The following CEACAM18 variants were observed in gnomAD, a reference collection of about 807,000 sequenced individuals.
CEACAM18 encodes cell adhesion molecule CEACAM18.
In CEACAM18, 33 loss-of-function variants were observed where a neutral mutation model predicts 34.3. The ratio of observed to expected loss-of-function variants is 0.96; its 90% CI spans 0.73 to 1.29. CEACAM18 has a LOEUF of 1.29. Ranked by LOEUF, CEACAM18 falls within the 50% of genes most tolerant of loss-of-function variation. CEACAM18 has a pLI of 0.00. For synonymous variants in CEACAM18, 169 were observed against 180.9 expected (o/e 0.93, Z 0.53); for missense variants, 474 against 485.0 (o/e 0.98, Z 0.21).
At chr19:51,484,055 G>C (rs141566245) in intron 4 of CEACAM18, among the ~76,000 whole-genome samples, 1 of 152,136 alleles carries the variant, frequency 6.6e-6, no homozygotes, top group Admixed American at 6.5e-5. Context: ...CAGCTCCATC[G>C]TTCCGAGACT....
chr19:51,483,088 T>C, exon 4 of CEACAM18: 1 of 1,613,962 alleles, frequency 6.2e-7, no homozygotes, highest in Non-Finnish European at 8.5e-7. Context: ...TGAGATCGGC[T>C]CCCAAGTGGA....
At chr19:51,481,323 C>G (rs1181962949) in intron 2 of CEACAM18, 70 bp from the exon 3 acceptor site, 8 of 1,499,438 alleles carry the variant, frequency 5.3e-6, no homozygotes, top group Non-Finnish European at 7.3e-6. Flanking sequence ...CCAGAAGTCC[C>G]CTGGAGAGGA....
At chr19:51,479,747 A>C (rs1202748558) in intron 1 of CEACAM18, among the ~76,000 whole-genome samples, 1 of 152,184 alleles carries the variant, frequency 6.6e-6, no homozygotes, top group Non-Finnish European at 1.5e-5. Context: ...GGAATGGGGA[A>C]CAGCGTGTGC....
chr19:51,482,909 T>C (rs973437260), intron 3 of CEACAM18, 108 bp from the exon 4 acceptor site: 1 of 1,346,704 alleles, frequency 7.4e-7, no homozygotes, highest in African/African-American at 1.4e-5. Flanking sequence ...GGTCTAGGGG[T>C]TAGCCCGAGG....
intron 5 of CEACAM18, among the ~76,000 whole-genome samples, chr19:51,489,492 G>A (rs1022409293): frequency 3.3e-5 from 5 of 152,102 alleles, no homozygotes; most frequent in African/African-American, 1.2e-4. Flanking sequence ...GGTGGGGCAA[G>A]AGGGAGCTGA....
At chr19:51,482,783 TC>T (rs998279387) in intron 3 of CEACAM18, among the ~76,000 whole-genome samples, 1 of 152,212 alleles carries the variant, frequency 6.6e-6, no homozygotes, top group Admixed American at 6.5e-5. Flanking sequence ...TGGCTTTTAC[TC>T]CACTAATTTT....
exon 3 of CEACAM18, chr19:51,481,478 T>A: frequency 6.2e-7 from 1 of 1,614,012 alleles, no homozygotes; most frequent in Non-Finnish European, 8.5e-7. Context: ...GCCTCACAAA[T>A]GTCACCAACA....
intron 3 of CEACAM18, among the ~76,000 whole-genome samples, chr19:51,482,387 T>G (rs1989931815): frequency 6.6e-6 from 1 of 152,200 alleles, no homozygotes; most frequent in Non-Finnish European, 1.5e-5. Context: ...AAAATCACTT[T>G]CACGTCTCCT....
intron 5 of CEACAM18, 66 bp from the exon 6 acceptor site, chr19:51,490,521 A>C (rs1990073199): frequency 4.1e-6 from 5 of 1,220,834 alleles, no homozygotes; most frequent in Middle Eastern, 3.1e-4. Flanking sequence ...ACCTCTCTCT[A>C]TCCAGGACTC....
exon 4 of CEACAM18, chr19:51,483,167 ACTT>A: frequency 6.2e-7 from 1 of 1,613,884 alleles, no homozygotes; most frequent in Non-Finnish European, 8.5e-7. Flanking sequence ...TCCCTCCTGA[ACTT>A]CTCAGATGCA....
At chr19:51,483,896 C>G (rs187763693) in intron 4 of CEACAM18, among the ~76,000 whole-genome samples, 22 of 152,280 alleles carry the variant, frequency 1.4e-4, no homozygotes, top group Non-Finnish European at 3.1e-4. Flanking sequence ...AGCAACCATG[C>G]GTCCAATCTT....
rs1468389511 is a variant in CEACAM18, at chr19:51,483,019, G to T, written c.676G>T (p.Gly226Trp). Residue 226 changes from glycine to tryptophan, a missense_variant and splice_region_variant, in exon 4 of 6, where the codon GGG (glycine) becomes TGG (tryptophan). By Grantham distance (184) the Gly-to-Trp change is radical. Coordinates refer to ENST00000396477, the Ensembl canonical transcript of CEACAM18. Reference sequence around the variant, plus strand: ...GGCCTCCTACCCTGTCTCTACAGATGGGCCCGACTATGTGCTGCTGAGGAG... The same window carrying T: ...GGCCTCCTACCCTGTCTCTACAGATTGGCCCGACTATGTGCTGCTGAGGAG... 2.5e-6 allele frequency: 4 copies of T among 1,613,738 alleles called. No homozygotes were observed. The East Asian group carries it at 8.9e-5, about 36-fold the overall frequency.
exon 4 of CEACAM18, chr19:51,483,208 G>A: frequency 6.2e-7 from 1 of 1,614,024 alleles, no homozygotes; most frequent in South Asian, 1.1e-5. Context: ...TCTTGCCTGG[G>A]AGCAGATGGG....
intron 3 of CEACAM18, 93 bp downstream of exon 3, chr19:51,481,758 GGGGGC>G: frequency 4.3e-5 from 58 of 1,355,070 alleles, no homozygotes; most frequent in South Asian, 1.9e-4. Context: ...GCTGGAGAGA[GGGGGC>G]ATCCTGGGCC....
intron 5 of CEACAM18, among the ~76,000 whole-genome samples, chr19:51,490,088 G>A (rs113841515): frequency 6.6e-6 from 1 of 152,118 alleles, no homozygotes; most frequent in Non-Finnish European, 1.5e-5. Context: ...GGGAATATTG[G>A]CCTCTGTTAT....
At chr19:51,484,066 C>T (rs1339628277) in intron 4 of CEACAM18, among the ~76,000 whole-genome samples, 2 of 152,170 alleles carry the variant, frequency 1.3e-5, no homozygotes, top group South Asian at 2.1e-4. Context: ...TTCCGAGACT[C>T]AGTTTCCTCA....
chr19:51,490,624 A>G, exon 6 of CEACAM18: 1 of 1,232,508 alleles, frequency 8.1e-7, no homozygotes, highest in Non-Finnish European at 1.0e-6. Flanking sequence ...CCCAGACCTG[A>G]GGACAAGACC....
chr19:51,479,619 G>A (rs1360861564), intron 1 of CEACAM18, among the ~76,000 whole-genome samples: 1 of 152,170 alleles, frequency 6.6e-6, no homozygotes, highest in Non-Finnish European at 1.5e-5. Flanking sequence ...GGAGCCCAGA[G>A]GGGACACCTG....
intron 4 of CEACAM18, among the ~76,000 whole-genome samples, chr19:51,484,629 T>A (rs1989970346): frequency 1.0e-5 from 1 of 100,304 alleles, no homozygotes; most frequent in East Asian, 2.6e-4. Context: ...AGCACATAGT[T>A]GGTGCTCAGT....
Sources: allele counts gnomAD v4.1 joint callset (sites outside exome capture counted in the v4.1 genomes callset), GRCh38; gene constraint gnomAD v4.1.1; transcripts MANE v1.5; gene names NCBI Gene and HGNC (gene_info 2026-07-23, HGNC 2026-07-21).